ATP2A3: variants seen among roughly 807,000 people sequenced by gnomAD.
ATP2A3 encodes sarcoplasmic/endoplasmic reticulum calcium ATPase 3.
Under a neutral mutation model 106.8 loss-of-function variants are expected in ATP2A3, and 61 were observed. That is an observed-to-expected ratio of 0.57 (90% CI 0.46 to 0.71). ATP2A3 has a LOEUF of 0.71. Among genes scored for constraint, ATP2A3 ranks in the 30% least tolerant of loss-of-function variants. The pLI, the probability that ATP2A3 is intolerant of heterozygous loss-of-function variation, is 0.00. For synonymous variants in ATP2A3, 611 were observed against 609.3 expected (o/e 1.00, Z -0.04); for missense variants, 1,201 against 1,423.5 (o/e 0.84, Z 2.52).
Position 3,964,255 on chromosome 17 carries a change from G to C in ATP2A3, c.37C>G (p.Leu13Val), listed in dbSNP as rs1469981400. 2 of 1,282,752 alleles carry C rather than the reference G, an allele frequency of 1.6e-6. No homozygotes were observed. The highest frequency in any genetic ancestry group is 2.0e-6 in the Non-Finnish European group (2 of 1,003,034). 79.5% of individuals were successfully genotyped at this position (1,282,752 alleles called of 1,614,324 possible). A position where few individuals can be genotyped will look rare whatever the true frequency, so the allele number is the denominator to read the frequency against. Residue 13 changes from leucine (L) to valine (V), a missense_variant, in exon 1 of 21, where the codon CTG (leucine) becomes GTG (valine). By Grantham distance (32) the Leu-to-Val change is conservative. Around this residue, in one of 2 missense-constraint regions of ATP2A3, gnomAD observed 266 missense variants for 246.8 expected, o/e 1.08. Coordinates refer to ENST00000397041, the MANE Select transcript of ATP2A3 (RefSeq NM_005173.4). The part of the protein sequence containing the change: ...AAHLLPAADV[L>V]RHFSVTAEGG... The stretch of plus-strand genomic sequence containing the variant: ...TCGGCTGTCACCGAGAAGTGGCGCA[G>C]CACGTCGGCGGCCGGGAGCAGATGC...
At chr17:3,957,844 G>A (rs1398922786) in intron 1 of ATP2A3, among the ~76,000 whole-genome samples, 1 of 152,230 alleles carries the variant, frequency 6.6e-6, no homozygotes, top group Non-Finnish European at 1.5e-5. Context: ...CACTCTCAGT[G>A]CCATCCGCTG....
chr17:3,959,072 T>C (rs1324242888), intron 1 of ATP2A3, among the ~76,000 whole-genome samples: 1 of 151,688 alleles, frequency 6.6e-6, no homozygotes, highest in Non-Finnish European at 1.5e-5. Context: ...TTTATTTTTA[T>C]TTTTTAGTAA....
intron 3 of ATP2A3, among the ~76,000 whole-genome samples, 180 bp from the exon 4 acceptor site, chr17:3,951,865 G>A (rs1567716209): frequency 6.6e-6 from 1 of 152,200 alleles, no homozygotes; most frequent in Non-Finnish European, 1.5e-5. Flanking sequence ...CCACCCCACA[G>A]GAGTGACCAC....
At chr17:3,937,843 T>C (rs1253227739) in intron 14 of ATP2A3, among the ~76,000 whole-genome samples, 3 of 151,734 alleles carry the variant, frequency 2.0e-5, no homozygotes, top group South Asian at 2.1e-4. Flanking sequence ...AAGGACAAAG[T>C]TGGGGAGAAT....
Position 3,947,571 on chromosome 17 carries a change from C to T in ATP2A3, c.915G>A (p.Ala305=), listed in dbSNP as rs777538493. 41 of 1,612,722 alleles carry T rather than the reference C, an allele frequency of 2.5e-5. No homozygotes were observed. The highest frequency in any genetic ancestry group is 3.3e-5 in the South Asian group (3 of 91,082). Residue 305 remains alanine (A), a synonymous_variant, in exon 8 of 21, where the codon GCG becomes GCA. Coordinates refer to ENST00000397041, the MANE Select transcript of ATP2A3 (RefSeq NM_005173.4). This position sits in a 1 kb window ranked among gnomAD's most constrained non-coding sequence, Gnocchi z 7.7. ...CAGCCGGGAGGCCCTCGGGGATGGC[C>T]GCCACCGCCAGGGCCACGGCGATCT... The part of the protein sequence containing the change: ...YFKIAVALAV[A]AIPEGLPAVI...
chr17:3,927,244 A>G (rs1248249266), intron 20 of ATP2A3: 5 of 985,358 alleles, frequency 5.1e-6, no homozygotes, highest in Admixed American at 6.1e-5. Flanking sequence ...CCAGCAGCCA[A>G]TGCTGAAAGG....
chr17:3,927,724 T>C (rs2052789775), intron 20 of ATP2A3: 1 of 972,428 alleles, frequency 1.0e-6, no homozygotes, highest in South Asian at 4.8e-5. Flanking sequence ...CACCCTCGAG[T>C]GAGCCCCTAC....
chr17:3,930,576 T>A lies in ATP2A3; in HGVS notation c.2611-142A>T. On this transcript the variant is annotated intron_variant, in intron 17 of 20. Transcript: ENST00000397041. The surrounding 1 kb of genome is among the most constrained non-coding windows in gnomAD (Gnocchi z 5.4). ...ACACTGCCGTGGGGTGGGCTGGGGA[T>A]CCCGGGAGGGGTGCGGGGTCGGGGC... 5.5e-6 allele frequency: 3 copies of A among 548,954 alleles called. No individual in the cohort carries two copies. The highest frequency in any genetic ancestry group is 9.4e-6 in the Non-Finnish European group (3 of 319,312). The allele number at this position is 548,954 out of a possible 1,614,324, so 34.0% of individuals were successfully genotyped here.
Position 3,953,787 on chromosome 17 carries a change from T to A in ATP2A3, c.119-77A>T. The A allele has an allele frequency of 6.7e-7, 1 of 1,485,222 alleles. No individual in the cohort carries two copies. Among genetic ancestry groups the A allele is most frequent in the Non-Finnish European group, 9.2e-7 (1 of 1,087,084 alleles). 92.0% of individuals were successfully genotyped at this position (1,485,222 alleles called of 1,614,324 possible). A position where few individuals can be genotyped will look rare whatever the true frequency, so the allele number is the denominator to read the frequency against. ...GTCACGCAGGGGCCTCGGGGGAGTC[T>A]GGCAGTGCCTCCCCACCGTGCCCGC... On this transcript the variant is annotated intron_variant, in intron 1 of 20. Coordinates refer to ENST00000397041, the MANE Select transcript of ATP2A3 (RefSeq NM_005173.4). The surrounding 1 kb of genome is among the most constrained non-coding windows in gnomAD (Gnocchi z 5.1).
Position 3,928,200 on chromosome 17 carries a change from C to T in ATP2A3, c.2980+463G>A, listed in dbSNP as rs373321113. ...GAGCTGTGAGCTCAGAAACAACCCTCCCCTTGACCCACCCACAAGGTGATA... is the reference window on the plus strand; with the variant it reads ...GAGCTGTGAGCTCAGAAACAACCCTTCCCTTGACCCACCCACAAGGTGATA... On this transcript the variant is annotated intron_variant, in intron 20 of 20. Transcript: ENST00000397041. This position sits in a 1 kb window ranked among gnomAD's most constrained non-coding sequence, Gnocchi z 6.1. 2 of 1,611,446 alleles carry T rather than the reference C, an allele frequency of 1.2e-6. No homozygotes were observed. Among genetic ancestry groups the T allele is most frequent in the South Asian group, 1.1e-5 (1 of 91,022 alleles).
At chr17:3,958,395 CAT>C (rs2054906999) in intron 1 of ATP2A3, among the ~76,000 whole-genome samples, 1 of 152,150 alleles carries the variant, frequency 6.6e-6, no homozygotes, top group Non-Finnish European at 1.5e-5. Flanking sequence ...GCTCAGTAAA[CAT>C]ATGTGATGGA....
intron 7 of ATP2A3, 146 bp from the exon 8 acceptor site, chr17:3,948,001 G>T: frequency 2.6e-6 from 2 of 775,978 alleles, no homozygotes; most frequent in Admixed American, 2.4e-5. Context: ...GACTCCTGTA[G>T]CTATGTATGC....
rs1264621674 is a variant in ATP2A3 at position 3,924,949 on chromosome 17, C to T, written c.*473G>A. Reference sequence around the variant, plus strand: ...CCCCAGGGCTGACCCAGTCCCAGACCAGGCACGAAGAGAGAGGTCAGAGCC... The same window carrying T: ...CCCCAGGGCTGACCCAGTCCCAGACTAGGCACGAAGAGAGAGGTCAGAGCC... On this transcript the variant is annotated 3_prime_UTR_variant, in exon 21 of 21. Transcript: ENST00000397041. The surrounding 1 kb of genome is among the most constrained non-coding windows in gnomAD (Gnocchi z 6.4). 1.9e-5 allele frequency: 8 copies of T among 417,740 alleles called. No individual in the cohort carries two copies. Among genetic ancestry groups the T allele is most frequent in the Non-Finnish European group, 3.8e-5 (8 of 209,144 alleles). 25.9% of individuals were successfully genotyped at this position (417,740 alleles called of 1,614,324 possible). A position where few individuals can be genotyped will look rare whatever the true frequency, so the allele number is the denominator to read the frequency against.
rs1351918487 is a variant in ATP2A3 at position 3,923,881 on chromosome 17, G to A, written c.*1541C>T. 1 of 152,298 alleles carries A rather than the reference G, an allele frequency of 6.6e-6. No individual in the cohort carries two copies. Among genetic ancestry groups the A allele is most frequent in the African/African-American group, 2.4e-5 (1 of 41,436 alleles). 9.4% of individuals were successfully genotyped at this position (152,298 alleles called of 1,614,324 possible). A position where few individuals can be genotyped will look rare whatever the true frequency, so the allele number is the denominator to read the frequency against. On this transcript the variant is annotated 3_prime_UTR_variant, in exon 21 of 21. Coordinates refer to ENST00000397041, the MANE Select transcript of ATP2A3 (RefSeq NM_005173.4). ...ACGCTGAGGATCCTCCGTTCCCCCA[G>A]TCACACAACCTTTATTTCTCTACCA...
Position 3,942,637 on chromosome 17 carries a change from G to C in ATP2A3, c.1514C>G (p.Pro505Arg), listed in dbSNP as rs143580145. ...AAACATCTTGCTGCCCTGGCCAGTA[G>C]GGTGAGGGCGGGTGGGCGTGCAGTA... ...SVYCTPTRPH[P>R]TGQGSKMFVK... Residue 505 changes from proline (P) to arginine (R), a missense_variant, in exon 12 of 21, where the codon CCT becomes CGT. Around this residue, in one of 2 missense-constraint regions of ATP2A3, gnomAD observed 935 missense variants for 1,176.7 expected, o/e 0.79. Transcript: ENST00000397041. The C allele has an allele frequency of 6.2e-7, 1 of 1,612,812 alleles. No individual in the cohort carries two copies. The highest frequency in any genetic ancestry group is 8.5e-7 in the Non-Finnish European group (1 of 1,179,872).
chr17:3,943,640 T>G, intron 10 of ATP2A3, 118 bp from the exon 11 acceptor site: 1 of 1,523,206 alleles, frequency 6.6e-7, no homozygotes, highest in Admixed American at 1.7e-5. Flanking sequence ...TAACCTCCTT[T>G]GCACCGGCCC....
Position 3,964,318 on chromosome 17 carries a change from C to T in ATP2A3, c.-27G>A. 1.7e-6 allele frequency: 2 copies of T among 1,188,330 alleles called. No homozygotes were observed. The highest frequency in any genetic ancestry group is 2.1e-6 in the Non-Finnish European group (2 of 947,206). 73.6% of individuals were successfully genotyped at this position (1,188,330 alleles called of 1,614,324 possible). On this transcript the variant is annotated 5_prime_UTR_variant, in exon 1 of 21. Coordinates refer to ENST00000397041, the MANE Select transcript of ATP2A3 (RefSeq NM_005173.4). ...CCGCCCGCCCGGCCGTCTGCGCCGT[C>T]CGCACCGTCGAGGCCGCCTCTCCGC...
Position 3,950,658 on chromosome 17 carries a change from C to G in ATP2A3, c.544+35G>C, listed in dbSNP as rs371734906. On this transcript the variant is annotated intron_variant, in intron 6 of 20. Transcript: ENST00000397041. ...AGACACGCCCATCCCTTAGTCCTGG[C>G]CCACTAGGTCCCGGCCTCCTGGGGG... The G allele has an allele frequency of 5.0e-6, 8 of 1,613,430 alleles. No individual in the cohort carries two copies. In the African/African-American group the frequency reaches 9.3e-5, roughly 19 times the overall value.
Position 3,936,684 on chromosome 17 carries a change from T to C in ATP2A3, c.2322-215A>G, listed in dbSNP as rs1265765300. The C allele has an allele frequency of 5.0e-6, 3 of 597,162 alleles. No homozygotes were observed. Among genetic ancestry groups the C allele is most frequent in the Non-Finnish European group, 3.0e-6 (1 of 329,096 alleles). 37.0% of individuals were successfully genotyped at this position (597,162 alleles called of 1,614,324 possible). A position where few individuals can be genotyped will look rare whatever the true frequency, so the allele number is the denominator to read the frequency against. On this transcript the variant is annotated intron_variant, in intron 15 of 20. Coordinates refer to ENST00000397041, the MANE Select transcript of ATP2A3 (RefSeq NM_005173.4). This position sits in a 1 kb window ranked among gnomAD's most constrained non-coding sequence, Gnocchi z 5.4. ...CTTCCCCAGTCCCAGCTCTGGATCC[T>C]GGACATACCTGCTCTTTAGGCCTAG...
Sources: allele counts gnomAD v4.1 joint callset (sites outside exome capture counted in the v4.1 genomes callset), GRCh38; gene constraint gnomAD v4.1.1; regional missense constraint gnomAD v4.1.1; non-coding constraint Gnocchi (gnomAD v3.1); transcripts MANE v1.5; gene names NCBI Gene and HGNC (gene_info 2026-07-23, HGNC 2026-07-21).